Variants in ACTL7B observed in about 807,000 individuals in gnomAD.
ACTL7B encodes actin like 7B.
In ACTL7B, 14 loss-of-function variants were observed where a neutral mutation model predicts 17.5. That is an observed-to-expected ratio of 0.80 (90% CI 0.53 to 1.25). The LOEUF (loss-of-function observed/expected upper bound fraction) is 1.25. Ranked by LOEUF, ACTL7B falls within the 50% of genes most tolerant of loss-of-function variation. ACTL7B has a pLI of 0.00. For missense variants in ACTL7B, 599 were observed against 573.9 expected, an observed-to-expected ratio of 1.04 and a Z score of -0.45; for synonymous variants, 267 against 252.4, an observed-to-expected ratio of 1.06 and a Z score of -0.55.
In ACTL7B at chr9:108,855,593, T is replaced by A. The variant is rs956744993; in HGVS notation, c.338A>T (p.Asn113Ile). 3.7e-6 allele frequency: 6 copies of A among 1,613,656 alleles called. No individual in the cohort carries two copies. The African/African-American group carries it at 6.7e-5, about 18-fold the overall frequency. Residue 113 changes from asparagine (N) to isoleucine (I), a missense_variant, in exon 1 of 1, where the codon AAC (asparagine) becomes ATC (isoleucine). Transcript: ENST00000374667. The stretch of plus-strand genomic sequence containing the variant: ...CACCACGATGCCGTGCTTCAGCGGG[T>A]TCACCAGCTTGAGAGGCGCCTCCGT... ...LNTEAPLKLVNPLKHGIVVDW... is the reference protein window; with the variant it reads ...LNTEAPLKLVIPLKHGIVVDW...
rs1302575582 is a variant in ACTL7B, at chr9:108,855,938, C to G, written c.-8G>C. On this transcript the variant is annotated 5_prime_UTR_variant, in exon 1 of 1. Coordinates refer to ENST00000374667, the MANE Select transcript of ACTL7B (RefSeq NM_006686.4). ...GCTGTTCCTTGTCGCCATCTGCCTC[C>G]CTTGCTCCCCTTCTCACATCCACAG... The G allele has an allele frequency of 2.6e-6, 4 of 1,558,850 alleles. No homozygotes were observed. The highest frequency in any genetic ancestry group is 1.4e-5 in the African/African-American group (1 of 73,222).
Position 108,855,895 on chromosome 9 carries a change from C to A in ACTL7B, c.36G>T (p.Thr12=), listed in dbSNP as rs778912009. The A allele has an allele frequency of 1.2e-6, 2 of 1,604,538 alleles. No homozygotes were observed. The highest frequency in any genetic ancestry group is 2.2e-5 in the South Asian group (2 of 89,398). Residue 12 remains threonine, a synonymous_variant, in exon 1 of 1, where the codon ACG becomes ACT. Transcript: ENST00000374667. ...CTGCCTCTCCAGGGTCACCCTGAGC[C>A]GTGCCCAGGGGCATGGGGCTGTTCC... ...ATRNSPMPLG[T]AQGDPGEAGT... is the part of the protein sequence containing the mutation.
Position 108,854,783 on chromosome 9 carries a change from C to T in ACTL7B, c.1148G>A (p.Gly383Asp), listed in dbSNP as rs1827067385. 6.2e-7 allele frequency: 1 copy of T among 1,602,520 alleles called. No individual in the cohort carries two copies. The highest frequency in any genetic ancestry group is 8.5e-7 in the Non-Finnish European group (1 of 1,173,828). ...CTGCAGGGAGGCCAGGATGGAACCG[C>T]CGGTCCACACGGAGGTCTTCCTCTC... Reference protein sequence around the residue: ...APERKTSVWTGGSILASLQAF... With the variant: ...APERKTSVWTDGSILASLQAF... Residue 383 changes from glycine to aspartate, a missense_variant, in exon 1 of 1, where the codon GGC becomes GAC. Gly to Asp is a moderately conservative substitution (Grantham distance 94). Coordinates refer to ENST00000374667, the MANE Select transcript of ACTL7B (RefSeq NM_006686.4).
rs895187968 is a variant in ACTL7B, at chr9:108,854,732, T to A, written c.1199A>T (p.Lys400Met). 1.3e-6 allele frequency: 2 copies of A among 1,540,904 alleles called. No homozygotes were observed. Among genetic ancestry groups the A allele is most frequent in the African/African-American group, 2.8e-5 (2 of 72,506 alleles). Residue 400 changes from lysine to methionine, a missense_variant, in exon 1 of 1, where the codon AAG becomes ATG. Physicochemically the swap from Lys to Met is moderately conservative, Grantham distance 95. Coordinates refer to ENST00000374667, the MANE Select transcript of ACTL7B (RefSeq NM_006686.4). ...GCTGCCCCGCTCCTCAAACTCTTCC[T>A]TGCTGACCCAGAGCTGTTGGAAGGC... ...LQAFQQLWVS[K>M]EEFEERGSVA...
In ACTL7B at chr9:108,855,508, G is replaced by T. The variant is rs1428774837; in HGVS notation, c.423C>A (p.Leu141=). Reference sequence around the variant, plus strand: ...AGACCAGCACAGCGTGCTCCTCGGGGAGGATCTTCATGGCGGTGCGGAAGA... The same window carrying T: ...AGACCAGCACAGCGTGCTCCTCGGGTAGGATCTTCATGGCGGTGCGGAAGA... ...EYIFRTAMKI[L]PEEHAVLVSD... Residue 141 remains leucine, a synonymous_variant, in exon 1 of 1, where the codon CTC becomes CTA. Coordinates refer to ENST00000374667, the MANE Select transcript of ACTL7B (RefSeq NM_006686.4). 1.2e-6 allele frequency: 2 copies of T among 1,613,578 alleles called. No homozygotes were observed. The highest frequency in any genetic ancestry group is 8.5e-7 in the Non-Finnish European group (1 of 1,180,038).
In ACTL7B at chr9:108,855,802, GGGC is replaced by G; in HGVS notation, c.126_128del (p.Lys42_Pro43delinsAsn). On this transcript the variant is annotated inframe_deletion, in exon 1 of 1. Transcript: ENST00000374667. ...CCGCCTTGATCTTGTGCACCTTCCT[GGGC>G]TTCATCTTGAGCTGAGTGGCCGCAC... 1 of 1,610,866 alleles carries G rather than the reference GGGC, an allele frequency of 6.2e-7. No homozygotes were observed. The highest frequency in any genetic ancestry group is 8.5e-7 in the Non-Finnish European group (1 of 1,180,002).
At position 108,854,843 on chromosome 9, in the gene ACTL7B, C is replaced by A; in HGVS notation, c.1088G>T (p.Cys363Phe). The A allele has an allele frequency of 6.3e-7, 1 of 1,583,454 alleles. No individual in the cohort carries two copies. The highest frequency in any genetic ancestry group is 8.6e-7 in the Non-Finnish European group (1 of 1,164,132). The change falls in exon 1 of 1, where the codon TGC becomes TTC. Residue 363 changes from cysteine to phenylalanine, a missense_variant. Physicochemically the swap from Cys to Phe is radical, Grantham distance 205. Transcript: ENST00000374667. ...AGCCACTGCAGGGCTGTCCCCGGGGCAGAGGAGGCTCAGCTCCCTCTGGAA... is the reference window on the plus strand; with the variant it reads ...AGCCACTGCAGGGCTGTCCCCGGGGAAGAGGAGGCTCAGCTCCCTCTGGAA... ...ERFQRELSLLCPGDSPAVAAA... is the reference protein window; with the variant it reads ...ERFQRELSLLFPGDSPAVAAA...
chr9:108,855,185 A>G lies in ACTL7B; in HGVS notation c.746T>C (p.Leu249Pro). The G allele has an allele frequency of 1.2e-6, 2 of 1,604,758 alleles. No homozygotes were observed. The highest frequency in any genetic ancestry group is 8.5e-7 in the Non-Finnish European group (1 of 1,178,162). Residue 249 changes from leucine to proline, a missense_variant, in exon 1 of 1, where the codon CTG (leucine) becomes CCG (proline). By Grantham distance (98) the Leu-to-Pro change is moderately conservative. Coordinates refer to ENST00000374667, the MANE Select transcript of ACTL7B (RefSeq NM_006686.4). Reference protein sequence around the residue: ...EAGHAFTDDHLHIIEHIKKKC... With the variant: ...EAGHAFTDDHPHIIEHIKKKC... ...CTTCTTGATGTGCTCTATGATGTGC[A>G]GGTGGTCGTCCGTGAATGCGTGGCC...
At position 108,855,778 on chromosome 9, in the gene ACTL7B, C is replaced by A; in HGVS notation, c.153G>T (p.Ala51=). The A allele has an allele frequency of 6.2e-7, 1 of 1,609,970 alleles. No homozygotes were observed. Among genetic ancestry groups the A allele is most frequent in the Non-Finnish European group, 8.5e-7 (1 of 1,179,998 alleles). ...ACTGGGAGCCCAGGTCGATGATGAC[C>A]GCCTTGATCTTGTGCACCTTCCTGG... The part of the protein sequence containing the change: ...MKPRKVHKIK[A]VIIDLGSQYC... The change falls in exon 1 of 1, where the codon GCG becomes GCT. Residue 51 remains alanine, a synonymous_variant. Transcript: ENST00000374667.
chr9:108,855,760 G>T lies in ACTL7B; in HGVS notation c.171C>A (p.Gly57=). 6.2e-7 allele frequency: 1 copy of T among 1,609,434 alleles called. No homozygotes were observed. Residue 57 remains glycine, a synonymous_variant, in exon 1 of 1, where the codon GGC becomes GGA. Coordinates refer to ENST00000374667, the MANE Select transcript of ACTL7B (RefSeq NM_006686.4). ...CGTAGCCGCACTTGCAGTACTGGGA[G>T]CCCAGGTCGATGATGACCGCCTTGA... The part of the protein sequence containing the change: ...HKIKAVIIDL[G]SQYCKCGYAG...
rs1353299374 is a variant in ACTL7B at position 108,854,690 on chromosome 9, TTGC to T, written c.1238_1240del (p.Ser413del). On this transcript the variant is annotated inframe_deletion, in exon 1 of 1. Coordinates refer to ENST00000374667, the MANE Select transcript of ACTL7B (RefSeq NM_006686.4). ...CTGTGGAAATGCCGAGGCTCAGCAC[TTGC>T]TGTAGATGGCCACGCTGCCCCGCTC... 2.0e-6 allele frequency: 3 copies of T among 1,506,306 alleles called. No homozygotes were observed. The highest frequency in any genetic ancestry group is 2.7e-6 in the Non-Finnish European group (3 of 1,126,076). 93.3% of individuals were successfully genotyped at this position (1,506,306 alleles called of 1,614,324 possible).
chr9:108,855,556 G>T lies in ACTL7B; in HGVS notation c.375C>A (p.Cys125Ter), dbSNP rs769743573. 9.3e-6 allele frequency: 15 copies of T among 1,613,616 alleles called. No homozygotes were observed. The South Asian group carries it at 1.5e-4, about 17-fold the overall frequency. Residue 125 changes from cysteine to a stop codon, truncating the protein, a stop_gained, in exon 1 of 1, where the codon TGC becomes TGA. Coordinates refer to ENST00000374667, the MANE Select transcript of ACTL7B (RefSeq NM_006686.4). LOFTEE classifies it high-confidence loss of function. The stretch of plus-strand genomic sequence containing the variant: ...AGATGTACTCCCAGATGTCCTGCAC[G>T]CAGTCCCAGTCCACCACGATGCCGT... ...LKHGIVVDWDCVQDIWEYIFR... is the reference protein window; with the variant it reads ...LKHGIVVDWD
rs769443334 is a variant in ACTL7B at position 108,854,794 on chromosome 9, G to A, written c.1137C>T (p.Ser379=). 18 of 1,605,084 alleles carry A rather than the reference G, an allele frequency of 1.1e-5. No individual in the cohort carries two copies. The East Asian group carries it at 3.6e-4, about 32-fold the overall frequency. ...AVAAAPERKT[S]VWTGGSILAS... is the part of the protein sequence containing the mutation. ...CCAGGATGGAACCGCCGGTCCACAC[G>A]GAGGTCTTCCTCTCAGGAGCGGCAG... The change falls in exon 1 of 1, where the codon TCC becomes TCT. Residue 379 remains serine, a synonymous_variant. Coordinates refer to ENST00000374667, the MANE Select transcript of ACTL7B (RefSeq NM_006686.4).
At position 108,855,325 on chromosome 9, in the gene ACTL7B, G is replaced by T. The variant is rs144840698; in HGVS notation, c.606C>A (p.Gly202=). Residue 202 remains glycine, a synonymous_variant, in exon 1 of 1, where the codon GGC becomes GGA. Transcript: ENST00000374667. Reference sequence around the variant, plus strand: ...CGGATATGGGCACCACGTGCGAGACGCCGTGCCCGCTCTCCACCACCAGCC... The same window carrying T: ...CGGATATGGGCACCACGTGCGAGACTCCGTGCCCGCTCTCCACCACCAGCC... ...TSGLVVESGH[G]VSHVVPISEG... is the part of the protein sequence containing the mutation. The T allele has an allele frequency of 1.2e-6, 2 of 1,605,882 alleles. No individual in the cohort carries two copies. Among genetic ancestry groups the T allele is most frequent in the Non-Finnish European group, 1.7e-6 (2 of 1,179,952 alleles).
rs753945581 is a variant in ACTL7B at position 108,855,592 on chromosome 9, G to T, written c.339C>A (p.Asn113Lys). 2.1e-5 allele frequency: 34 copies of T among 1,613,688 alleles called. No homozygotes were observed. The highest frequency in any genetic ancestry group is 1.8e-5 in the Non-Finnish European group (21 of 1,180,050). The part of the protein sequence containing the change: ...LNTEAPLKLV[N>K]PLKHGIVVDW... ...CCACCACGATGCCGTGCTTCAGCGG[G>T]TTCACCAGCTTGAGAGGCGCCTCCG... Residue 113 changes from asparagine to lysine, a missense_variant, in exon 1 of 1, where the codon AAC becomes AAA. Transcript: ENST00000374667.
chr9:108,855,273 T>A lies in ACTL7B; in HGVS notation c.658A>T (p.Ser220Cys), dbSNP rs143927577. 246 of 1,597,290 alleles carry A rather than the reference T, an allele frequency of 1.5e-4. No individual in the cohort carries two copies. The highest frequency in any genetic ancestry group is 2.0e-4 in the Non-Finnish European group (236 of 1,177,230). Residue 220 changes from serine (S) to cysteine (C), a missense_variant, in exon 1 of 1, where the codon AGC (serine) becomes TGC (cysteine). Transcript: ENST00000374667. ...TCACCCCCAGCGTAGTCGGCGCGGC[T>A]GGTCAGGCCCGGCAGCACGTCGCCC... ...SEGDVLPGLT[S>C]RADYAGGDLT...
In ACTL7B at chr9:108,855,535, G is replaced by T; in HGVS notation, c.396C>A (p.Tyr132Ter). 1 of 1,613,622 alleles carries T rather than the reference G, an allele frequency of 6.2e-7. No individual in the cohort carries two copies. The highest frequency in any genetic ancestry group is 8.5e-7 in the Non-Finnish European group (1 of 1,180,036). The change falls in exon 1 of 1, where the codon TAC (tyrosine) becomes TAA (stop). Residue 132 changes from tyrosine (Y) to a stop codon, truncating the protein, a stop_gained. Transcript: ENST00000374667. LOFTEE classifies it high-confidence loss of function. ...DWDCVQDIWE[Y>*]IFRTAMKILP... ...GGATCTTCATGGCGGTGCGGAAGATGTACTCCCAGATGTCCTGCACGCAGT... is the reference window on the plus strand; with the variant it reads ...GGATCTTCATGGCGGTGCGGAAGATTTACTCCCAGATGTCCTGCACGCAGT...
chr9:108,854,853 T>C lies in ACTL7B; in HGVS notation c.1078A>G (p.Ser360Gly), dbSNP rs2118885259. 6.4e-7 allele frequency: 1 copy of C among 1,568,006 alleles called. No individual in the cohort carries two copies. Among genetic ancestry groups the C allele is most frequent in the Non-Finnish European group, 8.6e-7 (1 of 1,156,800 alleles). Residue 360 changes from serine to glycine, a missense_variant, in exon 1 of 1, where the codon AGC becomes GGC. Transcript: ENST00000374667. Reference protein sequence around the residue: ...GFPERFQRELSLLCPGDSPAV... With the variant: ...GFPERFQRELGLLCPGDSPAV... ...GGGCTGTCCCCGGGGCAGAGGAGGC[T>C]CAGCTCCCTCTGGAAGCGCTCGGGG...
Position 108,855,281 on chromosome 9 carries a change from C to G in ACTL7B, c.650G>C (p.Gly217Ala). The change falls in exon 1 of 1, where the codon GGC becomes GCC. Residue 217 changes from glycine to alanine, a missense_variant. By Grantham distance (60) the Gly-to-Ala change is moderately conservative. Transcript: ENST00000374667. ...VPISEGDVLPGLTSRADYAGG... is the reference protein window; with the variant it reads ...VPISEGDVLPALTSRADYAGG... ...AGCGTAGTCGGCGCGGCTGGTCAGG[C>G]CCGGCAGCACGTCGCCCTCGGATAT... is the stretch of plus-strand genomic sequence containing the variant. The G allele has an allele frequency of 6.3e-7, 1 of 1,599,036 alleles. No homozygotes were observed.
Sources: allele counts gnomAD v4.1 joint callset, GRCh38; gene constraint gnomAD v4.1.1; transcripts MANE v1.5; gene names NCBI Gene and HGNC (gene_info 2026-07-23, HGNC 2026-07-21).